The following KIF5C variants were observed in gnomAD, a reference collection of about 807,000 sequenced individuals.
KIF5C encodes the protein kinesin heavy chain isoform 5C.
In KIF5C, 18 loss-of-function variants were observed where a neutral mutation model predicts 125.2. That is an observed-to-expected ratio of 0.14 (90% CI 0.10 to 0.21). The LOEUF is 0.21. KIF5C is among the 10% of genes least tolerant of loss of function. The pLI is 1.00. For synonymous variants in KIF5C, 405 were observed against 434.0 expected (o/e 0.93, Z 0.83); for missense variants, 780 against 1,183.8 (o/e 0.66, Z 5.01).
At chr2:148,982,020 C>G (rs1214475427) in intron 14 of KIF5C, among the ~76,000 whole-genome samples, 2 of 152,202 alleles carry the variant, frequency 1.3e-5, no homozygotes, top group Admixed American at 1.3e-4. Context: ...TGTGCATATG[C>G]TACGATATCA....
chr2:148,889,975 A>T (rs945578512), intron 1 of KIF5C, among the ~76,000 whole-genome samples: 1 of 152,228 alleles, frequency 6.6e-6, no homozygotes, highest in African/African-American at 2.4e-5. Context: ...TAGAAGACAC[A>T]GCATGTTTCC....
chr2:148,953,773 T>C (rs1682725800), intron 10 of KIF5C, among the ~76,000 whole-genome samples: 1 of 152,206 alleles, frequency 6.6e-6, no homozygotes, highest in Non-Finnish European at 1.5e-5. Flanking sequence ...AGCAGTTCAA[T>C]CTGCAGATCC....
intron 23 of KIF5C, 149 bp downstream of exon 23, chr2:149,008,216 C>A: frequency 1.8e-6 from 2 of 1,091,234 alleles, no homozygotes; most frequent in South Asian, 3.2e-5. Flanking sequence ...TGGAAAGGTC[C>A]TTACAAATCC....
chr2:148,919,049 TACTC>T (rs1170238471), intron 1 of KIF5C, among the ~76,000 whole-genome samples: 1 of 152,226 alleles, frequency 6.6e-6, no homozygotes, highest in East Asian at 1.9e-4. Context: ...GTATAGTTCT[TACTC>T]AGATATGGAG....
intron 1 of KIF5C, among the ~76,000 whole-genome samples, chr2:148,921,378 A>G (rs1320583139): frequency 6.6e-6 from 1 of 152,220 alleles, no homozygotes; most frequent in Non-Finnish European, 1.5e-5. Flanking sequence ...AAACACAGGA[A>G]TTCTTTTGGA....
intron 3 of KIF5C, among the ~76,000 whole-genome samples, chr2:148,929,913 C>G (rs1038182396): frequency 6.6e-6 from 1 of 152,130 alleles, no homozygotes; most frequent in Non-Finnish European, 1.5e-5. Flanking sequence ...TCTGGCAGCA[C>G]TGGGTGAATT....
intron 10 of KIF5C, among the ~76,000 whole-genome samples, chr2:148,958,372 C>A (rs1173542189): frequency 6.6e-6 from 1 of 152,102 alleles, no homozygotes; most frequent in Non-Finnish European, 1.5e-5. Flanking sequence ...AATTTTTTAG[C>A]CATTCTATTG....
chr2:148,916,642 T>A (rs1681563403), intron 1 of KIF5C, among the ~76,000 whole-genome samples: 1 of 152,216 alleles, frequency 6.6e-6, no homozygotes. Flanking sequence ...ACCAACTTTT[T>A]TTTTTTTTAA....
intron 21 of KIF5C, among the ~76,000 whole-genome samples, chr2:149,002,339 A>C (rs2105188826): frequency 6.6e-6 from 1 of 152,192 alleles, no homozygotes; most frequent in Admixed American, 6.5e-5. Context: ...CCTACAACTC[A>C]AGCATGTGAG....
At chr2:148,890,385 C>A (rs1243956724) in intron 1 of KIF5C, among the ~76,000 whole-genome samples, 1 of 151,924 alleles carries the variant, frequency 6.6e-6, no homozygotes, top group Non-Finnish European at 1.5e-5. Context: ...CCTGTAGTGC[C>A]ATCTGCTTGG....
chr2:148,981,302 C>A, intron 13 of KIF5C, 53 bp from the exon 14 acceptor site: 1 of 1,528,744 alleles, frequency 6.5e-7, no homozygotes, highest in Non-Finnish European at 8.8e-7. Context: ...CAGCATAGAA[C>A]ATAAACATTT....
At chr2:149,014,078 G>A (rs1682289886) in intron 25 of KIF5C, among the ~76,000 whole-genome samples, 1 of 152,212 alleles carries the variant, frequency 6.6e-6, no homozygotes, top group South Asian at 2.1e-4. Flanking sequence ...AGGCTGGAGT[G>A]CAATGGCATG....
At chr2:148,957,628 C>T (rs1386273422) in intron 10 of KIF5C, among the ~76,000 whole-genome samples, 2 of 147,096 alleles carry the variant, frequency 1.4e-5, no homozygotes, top group East Asian at 4.0e-4. Context: ...CAATAAACCT[C>T]AGGGCACAAA....
chr2:148,966,742 T>C (rs1680724185), intron 11 of KIF5C, among the ~76,000 whole-genome samples: 1 of 152,074 alleles, frequency 6.6e-6, no homozygotes, highest in African/African-American at 2.4e-5. Flanking sequence ...AGGTGGGGCC[T>C]TTGGGAGGTG....
intron 2 of KIF5C, among the ~76,000 whole-genome samples, chr2:148,928,306 G>T (rs1418786699): frequency 1.3e-5 from 2 of 152,140 alleles, no homozygotes; most frequent in Non-Finnish European, 2.9e-5. Flanking sequence ...CCTCAGTGTG[G>T]GGTCCTTCTC....
intron 7 of KIF5C, among the ~76,000 whole-genome samples, chr2:148,945,420 C>T (rs1330155703): frequency 2.6e-5 from 4 of 152,162 alleles, no homozygotes; most frequent in Non-Finnish European, 5.9e-5. Flanking sequence ...ATGGTCTTGA[C>T]ACTCTTGTTG....
chr2:148,920,024 C>G (rs1574743378), intron 1 of KIF5C, among the ~76,000 whole-genome samples: 1 of 152,148 alleles, frequency 6.6e-6, no homozygotes, highest in African/African-American at 2.4e-5. Context: ...ATTTCTTGCT[C>G]TCTACTTCTC....
chr2:148,940,950 G>C (rs73970608), intron 4 of KIF5C, among the ~76,000 whole-genome samples: 20,282 of 152,178 alleles, frequency 0.13, 2,040 homozygotes, highest in African/African-American at 0.27. Context: ...GATTCAGCAG[G>C]ACTGTAGTAG....
intron 7 of KIF5C, among the ~76,000 whole-genome samples, chr2:148,945,411 T>G (rs578056518): frequency 6.6e-6 from 1 of 152,208 alleles, no homozygotes; most frequent in East Asian, 1.9e-4. Context: ...CCACATTAAA[T>G]GGTCTTGACA....
Sources: allele counts gnomAD v4.1 joint callset (sites outside exome capture counted in the v4.1 genomes callset), GRCh38; gene constraint gnomAD v4.1.1; transcripts MANE v1.5; gene names NCBI Gene and HGNC (gene_info 2026-07-23, HGNC 2026-07-21).